The following FTCDNL1 variants were observed in gnomAD, a reference collection of about 807,000 sequenced individuals.
The protein encoded by FTCDNL1 is formiminotransferase cyclodeaminase N-terminal like, also known as formiminotransferase N-terminal subdomain-containing protein.
In FTCDNL1, 11 loss-of-function variants were observed where a neutral mutation model predicts 5.9. That is an observed-to-expected ratio of 1.87 (90% CI 1.18 to 3.10). The LOEUF (loss-of-function observed/expected upper bound fraction) is 3.10. Among genes scored for constraint, FTCDNL1 ranks in the 30% most tolerant of loss-of-function variants. The pLI is 0.00. For missense variants in FTCDNL1, 115 were observed against 65.5 expected (o/e 1.76, Z -2.61); for synonymous variants, 58 against 24.8 (o/e 2.34, Z -3.99).
rs1701079265 is a variant in FTCDNL1, at chr2:199,812,264, A to C, written c.*441T>G. On this transcript the variant is annotated 3_prime_UTR_variant, in exon 5 of 5. Coordinates refer to ENST00000420128, the MANE Select transcript of FTCDNL1 (RefSeq NM_001363886.2). Reference sequence around the variant, plus strand: ...CTTCTCTCCCTTGGAAGGTGAAAGAAGAAAGAAAGAAAAAGAAGAGAAAAT... The same window carrying C: ...CTTCTCTCCCTTGGAAGGTGAAAGACGAAAGAAAGAAAAAGAAGAGAAAAT... Among the ~76,000 whole-genome samples the C allele has an allele frequency of 6.6e-6, 1 of 152,178 alleles. No homozygotes were observed. The highest frequency in any genetic ancestry group is 2.1e-4 in the South Asian group (1 of 4,820).
At chr2:199,745,813 G>C in the FTCDNL1 span, among the ~76,000 whole-genome samples, 1 of 151,928 alleles carries the variant, frequency 6.6e-6, no homozygotes, top group Non-Finnish European at 1.5e-5. Flanking sequence ...AGAGACCTTG[G>C]GTAGGAGTTA....
chr2:199,704,222 G>T, the FTCDNL1 span, among the ~76,000 whole-genome samples: 4 of 152,042 alleles, frequency 2.6e-5, no homozygotes, highest in African/African-American at 9.7e-5. Flanking sequence ...ACTCAATAAA[G>T]AACAGCAATA....
At chr2:199,703,319 T>C in the FTCDNL1 span, among the ~76,000 whole-genome samples, 6 of 151,796 alleles carry the variant, frequency 4.0e-5, no homozygotes, top group African/African-American at 7.2e-5. Context: ...CACCAGCTCA[T>C]GTGGCTGTTG....
chr2:199,667,447 G>C, the FTCDNL1 span, among the ~76,000 whole-genome samples: 1 of 151,788 alleles, frequency 6.6e-6, no homozygotes, highest in Non-Finnish European at 1.5e-5. Context: ...GACTAGCCAG[G>C]GCAACATAGT....
chr2:199,842,744 T>C (rs1451481205), intron 3 of FTCDNL1, among the ~76,000 whole-genome samples: 1 of 152,162 alleles, frequency 6.6e-6, no homozygotes, highest in African/African-American at 2.4e-5. Flanking sequence ...CACATATCAG[T>C]ATCAACTCTT....
chr2:199,698,101 T>C, the FTCDNL1 span, among the ~76,000 whole-genome samples: 88 of 152,292 alleles, frequency 5.8e-4, no homozygotes, highest in Admixed American at 1.1e-3. Context: ...TAAATATATA[T>C]GCATCCAACA....
At chr2:199,668,844 G>T in the FTCDNL1 span, among the ~76,000 whole-genome samples, 3 of 152,038 alleles carry the variant, frequency 2.0e-5, no homozygotes, top group African/African-American at 7.2e-5. Context: ...AGTTCCCAGG[G>T]GAACTCGGGA....
At chr2:199,826,450 C>A (rs1419371523) in intron 3 of FTCDNL1, among the ~76,000 whole-genome samples, 5 of 147,300 alleles carry the variant, frequency 3.4e-5, no homozygotes, top group Admixed American at 1.4e-4. Flanking sequence ...AAAAACCTTT[C>A]TCTAAATCAC....
intron 2 of FTCDNL1, among the ~76,000 whole-genome samples, chr2:199,848,482 T>C (rs1448344263): frequency 6.6e-6 from 1 of 152,260 alleles, no homozygotes; most frequent in African/African-American, 2.4e-5. Flanking sequence ...GGTACGATTA[T>C]GCTCATTCTA....
chr2:199,815,535 T>A (rs1322324799), intron 4 of FTCDNL1, among the ~76,000 whole-genome samples: 1 of 152,038 alleles, frequency 6.6e-6, no homozygotes, highest in Non-Finnish European at 1.5e-5. Context: ...TAGGAAACAC[T>A]GACATAACCA....
chr2:199,698,398 C>T, the FTCDNL1 span, among the ~76,000 whole-genome samples: 5 of 152,056 alleles, frequency 3.3e-5, no homozygotes, highest in Admixed American at 1.3e-4. Context: ...AAGCAATTCT[C>T]GAAAATTTTT....
intron 3 of FTCDNL1, among the ~76,000 whole-genome samples, chr2:199,843,356 T>C (rs2076641809): frequency 1.3e-5 from 2 of 152,216 alleles, no homozygotes; most frequent in South Asian, 4.1e-4. Context: ...TCCATAATTG[T>C]TTTGAAGACA....
In FTCDNL1 at chr2:199,811,473, C is replaced by T. The variant is rs1701032258; in HGVS notation, c.*1232G>A. 1.3e-5 allele frequency among the ~76,000 whole-genome samples: 2 copies of T among 152,214 alleles called. No homozygotes were observed. Among genetic ancestry groups the T allele is most frequent in the Admixed American group, 6.5e-5 (1 of 15,286 alleles). On this transcript the variant is annotated 3_prime_UTR_variant, in exon 5 of 5. Coordinates refer to ENST00000420128, the MANE Select transcript of FTCDNL1 (RefSeq NM_001363886.2). ...AGGTTTTGCTGAAGAGTATATAACA[C>T]TGGGGGTTACATCAGCATGACTATT...
At chr2:199,818,026 C>A (rs1028794377) in intron 4 of FTCDNL1, among the ~76,000 whole-genome samples, 1 of 152,144 alleles carries the variant, frequency 6.6e-6, no homozygotes, top group Non-Finnish European at 1.5e-5. Context: ...CAAATATAGA[C>A]CCATTTATTC....
the FTCDNL1 span, among the ~76,000 whole-genome samples, chr2:199,743,550 G>A: frequency 6.6e-6 from 1 of 151,490 alleles, no homozygotes. Context: ...TGTAGATGGA[G>A]TGGTGGAGAC....
chr2:199,691,105 G>A, the FTCDNL1 span, among the ~76,000 whole-genome samples: 1 of 152,218 alleles, frequency 6.6e-6, no homozygotes, highest in Non-Finnish European at 1.5e-5. Context: ...ATTTGCTATA[G>A]TGCATTTGTT....
At chr2:199,825,035 G>A (rs954837135) in intron 3 of FTCDNL1, among the ~76,000 whole-genome samples, 2 of 151,838 alleles carry the variant, frequency 1.3e-5, no homozygotes, top group African/African-American at 2.4e-5. Flanking sequence ...CTACTTGGGA[G>A]GCTGAGATCA....
At position 199,803,456 on chromosome 2, in the gene FTCDNL1, T is replaced by TTTTGG. The variant is rs71019087; in HGVS notation, c.211+42614_211+42618dup. On this transcript the variant is annotated intron_variant, in intron 3 of 3. Coordinates refer to the FTCDNL1 transcript ENST00000416668. ...GGTCCAAGGTTATTGTTTTGTTTTG[T>TTTTGG]TTTGGTTTGGTTTGGTTTGGTTTGG... Among the ~76,000 whole-genome samples, 133 of 150,436 alleles carry TTTTGG rather than the reference T, an allele frequency of 8.8e-4. 1 individual carries two copies. The South Asian group carries it at 0.018, about 20-fold the overall frequency.
chr2:199,711,463 G>C, the FTCDNL1 span, among the ~76,000 whole-genome samples: 1 of 152,100 alleles, frequency 6.6e-6, no homozygotes, highest in African/African-American at 2.4e-5. Context: ...CCTTGAAAAT[G>C]AGAAGTAAAA....
Sources: gnomAD v4.1 joint callset for allele counts (sites outside exome capture counted in the v4.1 genomes callset) on GRCh38, gnomAD v4.1.1 for gene constraint, MANE v1.5 for transcripts, NCBI Gene and HGNC (gene_info 2026-07-23, HGNC 2026-07-21) for gene names.